RSPRY1: variants seen among roughly 807,000 people sequenced by gnomAD.
RSPRY1 encodes the protein ring finger and SPRY domain containing 1.
RSPRY1 carries 23 observed loss-of-function variants against 73.1 expected under a neutral mutation model. The ratio of observed to expected loss-of-function variants is 0.31; its 90% CI spans 0.23 to 0.45. The LOEUF (loss-of-function observed/expected upper bound fraction) is 0.45. Ranked by LOEUF, RSPRY1 falls within the 20% of genes least tolerant of loss-of-function variation. The probability of loss-of-function intolerance (pLI) is 1.00; values close to 1 mark genes in which losing one functional copy is unlikely to be tolerated. For missense variants in RSPRY1, 448 were observed against 698.7 expected (o/e 0.64, Z 4.05); for synonymous variants, 226 against 251.4 (o/e 0.90, Z 0.95).
chr16:57,197,261 A>AC (rs1483800776), intron 1 of RSPRY1, among the ~76,000 whole-genome samples: 4 of 152,072 alleles, frequency 2.6e-5, no homozygotes, highest in African/African-American at 9.7e-5. Context: ...CCAGTTTAAA[A>AC]CCTATAGGTT....
intron 1 of RSPRY1, among the ~76,000 whole-genome samples, chr16:57,203,727 G>C (rs149772885): frequency 6.6e-6 from 1 of 152,182 alleles, no homozygotes; most frequent in Non-Finnish European, 1.5e-5. Context: ...CTAGTCCAGC[G>C]TGGTACCTGG....
At position 57,234,754 on chromosome 16, in the gene RSPRY1, C is replaced by T. The variant is rs1311912354; in HGVS notation, c.1530-370C>T. 2.6e-5 allele frequency among the ~76,000 whole-genome samples: 4 copies of T among 152,162 alleles called. No homozygotes were observed. The East Asian group carries it at 7.7e-4, about 29-fold the overall frequency. Reference sequence around the variant, plus strand: ...TAAAAACTTGTATATGTGTGTTTTTCTTGAGAAAGCCTCTATGCTTGTGAG... The same window carrying T: ...TAAAAACTTGTATATGTGTGTTTTTTTTGAGAAAGCCTCTATGCTTGTGAG... On this transcript the variant is annotated intron_variant, in intron 13 of 14. Transcript: ENST00000394420.
At chr16:57,193,683 A>G (rs1048280181) in intron 1 of RSPRY1, among the ~76,000 whole-genome samples, 8 of 151,994 alleles carry the variant, frequency 5.3e-5, no homozygotes, top group African/African-American at 1.4e-4. Flanking sequence ...TTAAGCAAAT[A>G]TGTTTCTAGA....
At chr16:57,202,354 C>T (rs1001571141) in intron 1 of RSPRY1, among the ~76,000 whole-genome samples, 5 of 152,128 alleles carry the variant, frequency 3.3e-5, no homozygotes, top group African/African-American at 1.2e-4. Flanking sequence ...CAGAGCATAG[C>T]TTCTTAAATG....
intron 10 of RSPRY1, among the ~76,000 whole-genome samples, chr16:57,225,257 C>T (rs57561217): frequency 0.091 from 13,823 of 152,222 alleles, 773 homozygotes; most frequent in East Asian, 0.23. Flanking sequence ...GACAGGGTTT[C>T]GCCATGTTGG....
intron 1 of RSPRY1, among the ~76,000 whole-genome samples, chr16:57,195,223 A>G (rs2074418211): frequency 6.6e-6 from 1 of 152,228 alleles, no homozygotes; most frequent in African/African-American, 2.4e-5. Flanking sequence ...TCGAGAGTAT[A>G]ATATTAGGCT....
intron 3 of RSPRY1, among the ~76,000 whole-genome samples, chr16:57,208,398 A>ATTTTT (rs1168128064): frequency 5.8e-5 from 1 of 17,234 alleles, no homozygotes; most frequent in African/African-American, 1.5e-4. Flanking sequence ...ATATATATAT[A>ATTTTT]TATTTTTTTT....
chr16:57,193,219 CTCA>C (rs1216558522), intron 1 of RSPRY1, among the ~76,000 whole-genome samples: 2 of 152,166 alleles, frequency 1.3e-5, no homozygotes, highest in African/African-American at 2.4e-5. Context: ...GTAAAAACGC[CTCA>C]TCAAGACAAC....
intron 10 of RSPRY1, among the ~76,000 whole-genome samples, chr16:57,225,845 G>A (rs1291834473): frequency 6.6e-6 from 1 of 152,176 alleles, no homozygotes; most frequent in African/African-American, 2.4e-5. Flanking sequence ...TTGGGAGGCC[G>A]AGGCGGGCAG....
chr16:57,211,432 G>A (rs569121027), intron 4 of RSPRY1, among the ~76,000 whole-genome samples: 14 of 152,204 alleles, frequency 9.2e-5, no homozygotes, highest in Admixed American at 1.3e-4. Flanking sequence ...TAGCCAGCAC[G>A]ATGGCGTGCA....
At chr16:57,193,539 C>G (rs183575595) in intron 1 of RSPRY1, among the ~76,000 whole-genome samples, 1 of 149,940 alleles carries the variant, frequency 6.7e-6, no homozygotes, top group Non-Finnish European at 1.5e-5. Flanking sequence ...GTCACCCAGG[C>G]TTGAGGGTAG....
At chr16:57,195,577 CCTT>C (rs1379418555) in intron 1 of RSPRY1, among the ~76,000 whole-genome samples, 29 of 151,650 alleles carry the variant, frequency 1.9e-4, no homozygotes, top group Non-Finnish European at 3.5e-4. Context: ...TAAGAAGAGT[CCTT>C]CTACTAAGCA....
chr16:57,214,860 C>A (rs189973251), intron 6 of RSPRY1, among the ~76,000 whole-genome samples: 1 of 152,128 alleles, frequency 6.6e-6, no homozygotes, highest in Non-Finnish European at 1.5e-5. Flanking sequence ...GAAACCTGGT[C>A]CCTACTAAAA....
At chr16:57,214,736 G>A (rs1042153263) in intron 6 of RSPRY1, among the ~76,000 whole-genome samples, 7 of 152,308 alleles carry the variant, frequency 4.6e-5, no homozygotes, top group Admixed American at 2.6e-4. Context: ...ACTTCATCAA[G>A]ACTAAATGAG....
At chr16:57,194,639 A>C (rs2074407827) in intron 1 of RSPRY1, among the ~76,000 whole-genome samples, 1 of 152,228 alleles carries the variant, frequency 6.6e-6, no homozygotes, top group East Asian at 1.9e-4. Context: ...TTATAACAAT[A>C]GTAATTTAGT....
At chr16:57,208,135 CT>C in intron 3 of RSPRY1, 25 bp downstream of exon 3, 1 of 1,359,586 alleles carries the variant, frequency 7.4e-7, no homozygotes, top group Non-Finnish European at 1.0e-6. Context: ...GTTTTCATTA[CT>C]TTATAATGAA....
At chr16:57,213,128 T>G (rs146460263) in intron 5 of RSPRY1, 30 bp downstream of exon 5, 28,096 of 1,581,932 alleles carry the variant, frequency 0.018, 279 homozygotes, top group Non-Finnish European at 0.021. Flanking sequence ...CAGTGGAAGA[T>G]CTTAAGTTGT....
At chr16:57,197,349 T>C (rs1433810409) in intron 1 of RSPRY1, among the ~76,000 whole-genome samples, 1 of 152,184 alleles carries the variant, frequency 6.6e-6, no homozygotes, top group Non-Finnish European at 1.5e-5. Flanking sequence ...CCCTCAAGAG[T>C]ACTCTGTGTA....
chr16:57,189,047 G>A (rs2074303460), intron 1 of RSPRY1, among the ~76,000 whole-genome samples: 1 of 145,068 alleles, frequency 6.9e-6, no homozygotes, highest in Non-Finnish European at 1.5e-5. Context: ...AGGCTGGAGT[G>A]CAATGGCGCG....
Sources: gnomAD v4.1 joint callset for allele counts (sites outside exome capture counted in the v4.1 genomes callset) on GRCh38, gnomAD v4.1.1 for gene constraint, MANE v1.5 for transcripts, NCBI Gene and HGNC (gene_info 2026-07-23, HGNC 2026-07-21) for gene names.